Variants in ZNF804A observed in about 807,000 individuals in gnomAD.
The protein encoded by ZNF804A is zinc finger protein 804A.
ZNF804A carries 2 observed loss-of-function variants against 16.5 expected under a neutral mutation model. The observed-to-expected ratio is 0.12, with a 90% CI of 0.05 to 0.38. The LOEUF (loss-of-function observed/expected upper bound fraction) is 0.38, where lower values mean the gene tolerates loss of function less well. Ranked by LOEUF, ZNF804A falls within the 10% of genes least tolerant of loss-of-function variation. The pLI is 0.99. For missense variants in ZNF804A, 1,473 were observed against 1,390.7 expected, an observed-to-expected ratio of 1.06 and a Z score of -0.94; for synonymous variants, 534 against 489.6, an observed-to-expected ratio of 1.09 and a Z score of -1.20.
intron 1 of ZNF804A, among the ~76,000 whole-genome samples, chr2:184,746,980 A>G (rs946541558): frequency 3.3e-5 from 5 of 151,410 alleles, no homozygotes; most frequent in African/African-American, 1.2e-4. Context: ...AAAAGATTGC[A>G]TGTTTTACTT....
chr2:184,889,037 C>T (rs914894308), intron 2 of ZNF804A, among the ~76,000 whole-genome samples: 13 of 151,934 alleles, frequency 8.6e-5, no homozygotes, highest in African/African-American at 2.7e-4. Context: ...TTTAGATAGA[C>T]ATCATTTTGC....
Position 184,798,987 on chromosome 2 carries a change from A to G in ZNF804A, c.112-67382A>G, listed in dbSNP as rs142374049. Reference sequence around the variant, plus strand: ...ATGGCTTCTTGTGAACCAAGCTGCAATGATTGCTGTCTCTGTTCTCGGTCT... The same window carrying G: ...ATGGCTTCTTGTGAACCAAGCTGCAGTGATTGCTGTCTCTGTTCTCGGTCT... On this transcript the variant is annotated intron_variant, in intron 1 of 3. Coordinates refer to ENST00000302277, the MANE Select transcript of ZNF804A (RefSeq NM_194250.2). 2.5e-3 allele frequency among the ~76,000 whole-genome samples: 380 copies of G among 152,020 alleles called. 1 individual carries two copies. Among genetic ancestry groups the G allele is most frequent in the Middle Eastern group, 6.8e-3 (2 of 294 alleles).
At chr2:184,885,292 A>C (rs1014622397) in intron 2 of ZNF804A, among the ~76,000 whole-genome samples, 1 of 152,248 alleles carries the variant, frequency 6.6e-6, no homozygotes, top group African/African-American at 2.4e-5. Context: ...GATTTCTCAA[A>C]GAACTGAAAG....
In ZNF804A at chr2:184,851,178, A is replaced by G. The variant is rs1462384673; in HGVS notation, c.112-15191A>G. Among the ~76,000 whole-genome samples the G allele has an allele frequency of 3.3e-5, 5 of 151,794 alleles. No homozygotes were observed. The Admixed American group carries it at 3.3e-4, about 10-fold the overall frequency. ...ATATGCATTACCTCATATACTTTTA[A>G]TTTGTTTGTGGAGAGAGCACGTAAA... On this transcript the variant is annotated intron_variant, in intron 1 of 3. Coordinates refer to ENST00000302277, the MANE Select transcript of ZNF804A (RefSeq NM_194250.2).
At chr2:184,686,080 C>A (rs72899976) in intron 1 of ZNF804A, among the ~76,000 whole-genome samples, 6 of 152,208 alleles carry the variant, frequency 3.9e-5, no homozygotes, top group African/African-American at 1.4e-4. Context: ...CAACTTTGCT[C>A]CACACTGGAG....
At chr2:184,829,945 A>C (rs1574231927) in intron 1 of ZNF804A, among the ~76,000 whole-genome samples, 1 of 141,324 alleles carries the variant, frequency 7.1e-6, no homozygotes, top group Non-Finnish European at 1.5e-5. Flanking sequence ...AAAAAAAACC[A>C]CACACACACA....
intron 1 of ZNF804A, among the ~76,000 whole-genome samples, chr2:184,668,342 G>T (rs1321267618): frequency 2.0e-5 from 3 of 151,766 alleles, no homozygotes; most frequent in African/African-American, 7.2e-5. Flanking sequence ...AAATAAGCCT[G>T]ACACTGAAAG....
At chr2:184,826,635 G>T (rs1386407072) in intron 1 of ZNF804A, among the ~76,000 whole-genome samples, 2 of 151,940 alleles carry the variant, frequency 1.3e-5, no homozygotes, top group Non-Finnish European at 2.9e-5. Flanking sequence ...TTTATTTTTA[G>T]AATTTCTTAC....
chr2:184,850,871 G>A (rs554091643), intron 1 of ZNF804A, among the ~76,000 whole-genome samples: 1 of 151,846 alleles, frequency 6.6e-6, no homozygotes, highest in Non-Finnish European at 1.5e-5. Flanking sequence ...ATGCAAGGAT[G>A]TATGTGATTA....
At chr2:184,607,792 T>G (rs549892671) in intron 1 of ZNF804A, among the ~76,000 whole-genome samples, 1 of 152,200 alleles carries the variant, frequency 6.6e-6, no homozygotes, top group East Asian at 1.9e-4. Context: ...AATGTCTTCA[T>G]GAAATATACA....
chr2:184,643,758 A>G (rs1259980158), intron 1 of ZNF804A, among the ~76,000 whole-genome samples: 2 of 151,332 alleles, frequency 1.3e-5, no homozygotes, highest in East Asian at 3.9e-4. Context: ...ATAAATATAT[A>G]TATACATATC....
chr2:184,608,101 A>G (rs2105669674), intron 1 of ZNF804A, among the ~76,000 whole-genome samples: 1 of 149,996 alleles, frequency 6.7e-6, no homozygotes, highest in Non-Finnish European at 1.5e-5. Context: ...GCCCGCCACT[A>G]CGCCCGGCTA....
In ZNF804A at chr2:184,598,797, C is replaced by CACA; in HGVS notation, c.-162_-160dup. On this transcript the variant is annotated 5_prime_UTR_variant, in exon 1 of 4. Transcript: ENST00000302277. ...GAGGCGGGGGAGCCTCGGCGCTCACCACAGAGGGGTGCAGTGAGCCAGTCT... is the reference window on the plus strand; with the variant it reads ...GAGGCGGGGGAGCCTCGGCGCTCACCACAACAGAGGGGTGCAGTGAGCCAGTCT... The CACA allele has an allele frequency of 2.3e-6, 1 of 436,364 alleles. No homozygotes were observed. Among genetic ancestry groups the CACA allele is most frequent in the Admixed American group, 4.6e-5 (1 of 21,894 alleles). The allele number at this position is 436,364 out of a possible 1,614,324, so 27.0% of individuals were successfully genotyped here.
chr2:184,885,181 A>G lies in ZNF804A; in HGVS notation c.255+18669A>G, dbSNP rs576597137. On this transcript the variant is annotated intron_variant, in intron 2 of 3. Coordinates refer to ENST00000302277, the MANE Select transcript of ZNF804A (RefSeq NM_194250.2). ...CATTAGTCAGAAAGGCTAAAAATCA[A>G]AAAAACGACAGGCTCTAGCAAGGTT... 6.6e-5 allele frequency among the ~76,000 whole-genome samples: 10 copies of G among 152,302 alleles called. No homozygotes were observed. The South Asian group carries it at 1.9e-3, about 28-fold the overall frequency.
chr2:184,691,116 T>C (rs1692718474), intron 1 of ZNF804A, among the ~76,000 whole-genome samples: 1 of 151,990 alleles, frequency 6.6e-6, no homozygotes, highest in Admixed American at 6.6e-5. Context: ...CACTTTTGTG[T>C]TGGGGCTTTT....
chr2:184,760,975 C>A (rs951907406), intron 1 of ZNF804A, among the ~76,000 whole-genome samples: 1 of 152,078 alleles, frequency 6.6e-6, no homozygotes, highest in Non-Finnish European at 1.5e-5. Context: ...ATTTAACTTG[C>A]ATTTAATTTC....
intron 1 of ZNF804A, among the ~76,000 whole-genome samples, chr2:184,814,023 G>GTTTTTTTT (rs1231774388): frequency 1.8e-5 from 2 of 109,278 alleles, no homozygotes; most frequent in African/African-American, 7.1e-5. Context: ...TTTTTTTTTG[G>GTTTTTTTT]CTTGTCTACT....
intron 1 of ZNF804A, among the ~76,000 whole-genome samples, chr2:184,840,614 T>C (rs1166758308): frequency 6.6e-6 from 1 of 152,070 alleles, no homozygotes; most frequent in Non-Finnish European, 1.5e-5. Flanking sequence ...TTTCTTTTAG[T>C]AAAAGCAAAA....
intron 1 of ZNF804A, among the ~76,000 whole-genome samples, chr2:184,652,022 A>T (rs980624653): frequency 1.3e-5 from 2 of 152,198 alleles, no homozygotes; most frequent in South Asian, 2.1e-4. Flanking sequence ...AATAGCAAAG[A>T]TATGCAATCA....
Sources: gnomAD v4.1 joint callset for allele counts (sites outside exome capture counted in the v4.1 genomes callset) on GRCh38, gnomAD v4.1.1 for gene constraint, MANE v1.5 for transcripts, NCBI Gene and HGNC (gene_info 2026-07-23, HGNC 2026-07-21) for gene names.